Variants in SNTG1 observed in about 807,000 individuals in gnomAD.
The protein encoded by SNTG1 is gamma-1-syntrophin.
A neutral mutation model predicts 74.7 loss-of-function variants in SNTG1; 39 were observed. That is an observed-to-expected ratio of 0.52 (90% CI 0.40 to 0.68). The LOEUF (loss-of-function observed/expected upper bound fraction) is 0.68, where lower values mean the gene tolerates loss of function less well. Ranked by LOEUF, SNTG1 falls within the 30% of genes least tolerant of loss-of-function variation. The probability of loss-of-function intolerance (pLI) is 0.00; values close to 1 mark genes in which losing one functional copy is unlikely to be tolerated. For synonymous variants in SNTG1, 254 were observed against 217.1 expected (o/e 1.17, Z -1.49); for missense variants, 685 against 609.5 (o/e 1.12, Z -1.30).
intron 1 of SNTG1, among the ~76,000 whole-genome samples, chr8:49,992,409 T>G (rs776214702): frequency 1.3e-5 from 2 of 152,208 alleles, no homozygotes; most frequent in Non-Finnish European, 2.9e-5. Context: ...TATTAGGATT[T>G]GATATATTTC....
chr8:50,746,447 A>G (rs950934409), intron 17 of SNTG1, among the ~76,000 whole-genome samples: 2 of 152,086 alleles, frequency 1.3e-5, no homozygotes, highest in Middle Eastern at 6.8e-3. Context: ...TCTATTCATG[A>G]GAAAAACATC....
At chr8:50,707,984 C>T (rs760044970) in intron 16 of SNTG1, 46 of 360,912 alleles carry the variant, frequency 1.3e-4, no homozygotes, top group Non-Finnish European at 1.9e-4. Context: ...GGGTGGATCA[C>T]GAGGTCAGGC....
intron 12 of SNTG1, among the ~76,000 whole-genome samples, chr8:50,587,359 T>C (rs1490016000): frequency 6.6e-6 from 1 of 152,152 alleles, no homozygotes; most frequent in African/African-American, 2.4e-5. Context: ...TCGGTAAATA[T>C]CACCATAAGC....
intron 13 of SNTG1, among the ~76,000 whole-genome samples, chr8:50,653,136 A>G (rs1427059580): frequency 4.0e-5 from 6 of 151,658 alleles, no homozygotes; most frequent in Non-Finnish European, 8.8e-5. Context: ...TTATTTATTT[A>G]GTGTAGTGTA....
intron 2 of SNTG1, among the ~76,000 whole-genome samples, chr8:50,347,442 C>A (rs933515523): frequency 8.5e-5 from 13 of 152,192 alleles, no homozygotes; most frequent in African/African-American, 2.7e-4. Flanking sequence ...TGAACTTGAT[C>A]ACCCAAAAGC....
intron 3 of SNTG1, among the ~76,000 whole-genome samples, chr8:50,395,635 C>T (rs1021505641): frequency 6.6e-6 from 1 of 151,580 alleles, no homozygotes; most frequent in Non-Finnish European, 1.5e-5. Context: ...TCCGAAGTAG[C>T]TGGGACTACA....
At chr8:50,759,323 G>A (rs929283873) in intron 18 of SNTG1, among the ~76,000 whole-genome samples, 23 of 151,804 alleles carry the variant, frequency 1.5e-4, no homozygotes, top group South Asian at 4.2e-4. Context: ...ACGAGATCTC[G>A]TTTGTCAATT....
At chr8:50,600,102 A>G (rs2094761643) in intron 13 of SNTG1, among the ~76,000 whole-genome samples, 1 of 152,130 alleles carries the variant, frequency 6.6e-6, no homozygotes, top group Non-Finnish European at 1.5e-5. Flanking sequence ...GATGTGTCAC[A>G]TTGATTGATT....
At chr8:50,603,150 G>T (rs73587032) in intron 13 of SNTG1, among the ~76,000 whole-genome samples, 3,430 of 152,128 alleles carry the variant, frequency 0.023, 122 homozygotes, top group African/African-American at 0.078. Context: ...ATAACTTTTA[G>T]ATTTGCCTTT....
At chr8:50,345,259 G>A (rs1164274221) in intron 2 of SNTG1, among the ~76,000 whole-genome samples, 1 of 152,204 alleles carries the variant, frequency 6.6e-6, no homozygotes, top group Non-Finnish European at 1.5e-5. Context: ...CTCCTGTTCA[G>A]TAACAGGGAA....
chr8:50,582,259 T>C (rs993475255), intron 12 of SNTG1, among the ~76,000 whole-genome samples: 9 of 152,196 alleles, frequency 5.9e-5, no homozygotes, highest in Admixed American at 5.9e-4. Context: ...CTATTCTCTG[T>C]CTTCATTCAT....
chr8:50,480,432 C>A (rs941507287), intron 8 of SNTG1, among the ~76,000 whole-genome samples: 2 of 152,116 alleles, frequency 1.3e-5, no homozygotes, highest in African/African-American at 4.8e-5. Context: ...ACTGTAATGG[C>A]TGGAGTTATA....
In SNTG1 at chr8:50,137,506, G is replaced by A. The variant is rs576821590; in HGVS notation, c.-102-35055G>A. 2.0e-4 allele frequency among the ~76,000 whole-genome samples: 31 copies of A among 152,316 alleles called. No individual in the cohort carries two copies. The Middle Eastern group carries it at 0.01, about 50-fold the overall frequency. ...CTTTGCTTGAAGAGTTTATCTTTCA[G>A]TGGAGGAGGACAGTCACTCATTAAG... On this transcript the variant is annotated intron_variant, in intron 1 of 18. Transcript: ENST00000642720.
At chr8:50,180,028 C>G (rs1026212388) in intron 2 of SNTG1, among the ~76,000 whole-genome samples, 4 of 152,028 alleles carry the variant, frequency 2.6e-5, no homozygotes, top group African/African-American at 9.7e-5. Context: ...TTAAAACAAC[C>G]CTAACTGTTC....
At chr8:50,434,131 C>T (rs1240505828) in intron 4 of SNTG1, among the ~76,000 whole-genome samples, 1 of 148,090 alleles carries the variant, frequency 6.8e-6, no homozygotes, top group East Asian at 2.1e-4. Flanking sequence ...TGAGTGAGAA[C>T]ATGCGGTGTT....
chr8:50,238,312 G>A (rs2086010445), intron 2 of SNTG1, among the ~76,000 whole-genome samples: 3 of 152,080 alleles, frequency 2.0e-5, no homozygotes, highest in Non-Finnish European at 4.4e-5. Context: ...TAACGGAACA[G>A]ATTAAAGAAC....
intron 1 of SNTG1, among the ~76,000 whole-genome samples, chr8:50,019,254 A>G (rs1816611383): frequency 6.6e-6 from 1 of 152,168 alleles, no homozygotes; most frequent in South Asian, 2.1e-4. Context: ...GCTGCAGAAA[A>G]ATTTTCATTG....
intron 1 of SNTG1, among the ~76,000 whole-genome samples, chr8:50,034,570 G>A (rs568866664): frequency 6.6e-6 from 1 of 152,236 alleles, no homozygotes; most frequent in Admixed American, 6.5e-5. Flanking sequence ...CTTGGTGTGA[G>A]CCCCTGCCCC....
intron 15 of SNTG1, among the ~76,000 whole-genome samples, chr8:50,693,885 A>T (rs1257555072): frequency 2.0e-5 from 3 of 152,216 alleles, no homozygotes; most frequent in Non-Finnish European, 4.4e-5. Flanking sequence ...AAATTGAAAG[A>T]TACATTTAAA....
Sources: allele counts gnomAD v4.1 joint callset (sites outside exome capture counted in the v4.1 genomes callset), GRCh38; gene constraint gnomAD v4.1.1; transcripts MANE v1.5; gene names NCBI Gene and HGNC (gene_info 2026-07-23, HGNC 2026-07-21).